Variants in DLGAP1 observed in about 807,000 individuals in gnomAD.
DLGAP1 encodes the protein disks large-associated protein 1.
In DLGAP1, 11 loss-of-function variants were observed where a neutral mutation model predicts 90.8. The observed-to-expected ratio is 0.12, with a 90% CI of 0.08 to 0.20. The LOEUF is 0.20. Ranked by LOEUF, DLGAP1 falls within the 10% of genes least tolerant of loss-of-function variation. DLGAP1 has a pLI of 1.00. For synonymous variants in DLGAP1, 558 were observed against 540.7 expected, an observed-to-expected ratio of 1.03 and a Z score of -0.44; for missense variants, 1,050 against 1,333.8, an observed-to-expected ratio of 0.79 and a Z score of 3.31.
At chr18:4,058,625 T>C (rs2075256915) in intron 2 of DLGAP1, among the ~76,000 whole-genome samples, 1 of 152,228 alleles carries the variant, frequency 6.6e-6, no homozygotes, top group South Asian at 2.1e-4. Flanking sequence ...CAGAAGTTCC[T>C]TCTTTATGTC....
intron 7 of DLGAP1, among the ~76,000 whole-genome samples, chr18:3,615,956 A>T (rs2057845677): frequency 6.6e-6 from 1 of 152,198 alleles, no homozygotes; most frequent in Non-Finnish European, 1.5e-5. Flanking sequence ...AGGGATATTT[A>T]AAGTGGGGAA....
At chr18:4,273,853 A>C (rs1374429154) in intron 1 of DLGAP1, among the ~76,000 whole-genome samples, 1 of 152,172 alleles carries the variant, frequency 6.6e-6, no homozygotes, top group Non-Finnish European at 1.5e-5. Context: ...AATCACTGGT[A>C]ACATTCCTAC....
At chr18:4,381,345 A>C (rs1296324105) in intron 1 of DLGAP1, among the ~76,000 whole-genome samples, 1 of 152,162 alleles carries the variant, frequency 6.6e-6, no homozygotes, top group East Asian at 1.9e-4. Context: ...ATATAATATA[A>C]GCAGAATGAT....
At chr18:3,790,263 C>CA (rs2065667040) in intron 5 of DLGAP1, among the ~76,000 whole-genome samples, 3 of 100,780 alleles carry the variant, frequency 3.0e-5, no homozygotes, top group Non-Finnish European at 6.7e-5. Flanking sequence ...GCTTCTTTTA[C>CA]TTTTTTTTTC....
At chr18:3,665,814 T>C (rs1484142222) in intron 7 of DLGAP1, among the ~76,000 whole-genome samples, 1 of 152,214 alleles carries the variant, frequency 6.6e-6, no homozygotes. Context: ...TCTGCCCATT[T>C]CCACTTCTCT....
intron 1 of DLGAP1, among the ~76,000 whole-genome samples, chr18:4,269,343 T>C (rs1036973943): frequency 1.5e-5 from 2 of 133,794 alleles, no homozygotes; most frequent in African/African-American, 6.2e-5. Flanking sequence ...CATATATATA[T>C]ATATATATAT....
chr18:4,298,771 TA>T (rs35138786), intron 1 of DLGAP1, among the ~76,000 whole-genome samples: 9,503 of 96,568 alleles, frequency 0.098, 805 homozygotes, highest in African/African-American at 0.31. Context: ...TTTAAATAAA[TA>T]AAAAAAAAAA....
chr18:3,941,454 T>C (rs543989871), intron 3 of DLGAP1, among the ~76,000 whole-genome samples: 1 of 152,246 alleles, frequency 6.6e-6, no homozygotes, highest in East Asian at 1.9e-4. Flanking sequence ...TGGGCAAAGT[T>C]AGAAGGAGTC....
At chr18:3,831,471 C>T (rs1345036699) in intron 4 of DLGAP1, among the ~76,000 whole-genome samples, 3 of 152,122 alleles carry the variant, frequency 2.0e-5, no homozygotes, top group Non-Finnish European at 4.4e-5. Context: ...GTATTGTTCT[C>T]TTAAAGAGTT....
At chr18:3,924,553 C>T (rs1347149458) in intron 3 of DLGAP1, among the ~76,000 whole-genome samples, 1 of 152,148 alleles carries the variant, frequency 6.6e-6, no homozygotes, top group Non-Finnish European at 1.5e-5. Context: ...ACAAAAAACC[C>T]TTGGAGGTGA....
intron 1 of DLGAP1, among the ~76,000 whole-genome samples, chr18:4,233,861 C>T (rs1354135743): frequency 6.6e-6 from 1 of 152,088 alleles, no homozygotes; most frequent in African/African-American, 2.4e-5. Context: ...AGTCCATTAC[C>T]ATTTCTTTAT....
chr18:3,672,494 T>C (rs1227154605), intron 7 of DLGAP1, among the ~76,000 whole-genome samples: 2 of 146,670 alleles, frequency 1.4e-5, no homozygotes, highest in Non-Finnish European at 1.5e-5. Context: ...GGAGAATCGC[T>C]TGAACCTGGG....
intron 1 of DLGAP1, among the ~76,000 whole-genome samples, chr18:4,154,528 T>C (rs2076724214): frequency 6.6e-6 from 1 of 152,050 alleles, no homozygotes; most frequent in Non-Finnish European, 1.5e-5. Flanking sequence ...ATTTAAAAAC[T>C]ATTGGCTGAG....
intron 7 of DLGAP1, among the ~76,000 whole-genome samples, chr18:3,648,375 A>T (rs561883266): frequency 6.6e-6 from 1 of 152,226 alleles, no homozygotes; most frequent in African/African-American, 2.4e-5. Context: ...ATCTTAGTTG[A>T]ATACCAAATT....
At chr18:3,588,919 A>G (rs901689249) in intron 7 of DLGAP1, among the ~76,000 whole-genome samples, 1 of 152,226 alleles carries the variant, frequency 6.6e-6, no homozygotes, top group Admixed American at 6.5e-5. Flanking sequence ...GCGGTGGCTT[A>G]TGCCTGTAAT....
chr18:4,201,163 AT>A, intron 1 of DLGAP1, among the ~76,000 whole-genome samples: 1 of 151,954 alleles, frequency 6.6e-6, no homozygotes, highest in South Asian at 2.1e-4. Context: ...AGTCCCGTTT[AT>A]TTATTCTTGC....
chr18:4,418,026 G>A (rs1015999965), intron 1 of DLGAP1, among the ~76,000 whole-genome samples: 4 of 152,160 alleles, frequency 2.6e-5, no homozygotes, highest in African/African-American at 9.7e-5. Context: ...CAAGCATTGA[G>A]AGAAAACAAA....
At chr18:3,746,426 G>A (rs1046658130) in intron 5 of DLGAP1, among the ~76,000 whole-genome samples, 3 of 151,972 alleles carry the variant, frequency 2.0e-5, no homozygotes, top group Admixed American at 6.6e-5. Flanking sequence ...GAAGCATCGT[G>A]GTAAACTTAG....
chr18:4,355,256 T>C (rs966765400), intron 1 of DLGAP1, among the ~76,000 whole-genome samples: 1 of 152,204 alleles, frequency 6.6e-6, no homozygotes, highest in Non-Finnish European at 1.5e-5. Flanking sequence ...ATCCATACCA[T>C]GGACTACTAC....
Sources: gnomAD v4.1 joint callset for allele counts (sites outside exome capture counted in the v4.1 genomes callset) on GRCh38, gnomAD v4.1.1 for gene constraint, MANE v1.5 for transcripts, NCBI Gene and HGNC (gene_info 2026-07-23, HGNC 2026-07-21) for gene names.